The following CCDC192 variants were observed in gnomAD, a reference collection of about 807,000 sequenced individuals.
CCDC192 encodes coiled-coil domain-containing protein 192.
intron 5 of CCDC192, among the ~76,000 whole-genome samples, chr5:127,800,070 A>G (rs1757396495): frequency 6.6e-6 from 1 of 151,954 alleles, no homozygotes; most frequent in Non-Finnish European, 1.5e-5. Flanking sequence ...ACACTCTGAA[A>G]CCCATGATTT....
At chr5:127,921,434 C>A (rs547885018) in intron 6 of CCDC192, among the ~76,000 whole-genome samples, 1 of 152,280 alleles carries the variant, frequency 6.6e-6, no homozygotes, top group East Asian at 1.9e-4. Context: ...TTAGCACTTA[C>A]CATGTACCCA....
At chr5:127,728,232 C>A (rs2126811078) in intron 2 of CCDC192, among the ~76,000 whole-genome samples, 1 of 152,214 alleles carries the variant, frequency 6.6e-6, no homozygotes, top group Admixed American at 6.5e-5. Context: ...AACCCCAAGA[C>A]ACATAATCAT....
intron 6 of CCDC192, among the ~76,000 whole-genome samples, chr5:127,937,321 C>G (rs1348533900): frequency 6.6e-6 from 1 of 152,008 alleles, no homozygotes; most frequent in Non-Finnish European, 1.5e-5. Context: ...AATTATGTCT[C>G]CATCAAAATT....
At chr5:127,805,907 C>G (rs1757756160) in intron 5 of CCDC192, among the ~76,000 whole-genome samples, 1 of 152,096 alleles carries the variant, frequency 6.6e-6, no homozygotes, top group South Asian at 2.1e-4. Context: ...AGAAGAATAG[C>G]AGAAGCTTTC....
At chr5:127,799,483 G>C (rs1757364060) in intron 5 of CCDC192, among the ~76,000 whole-genome samples, 1 of 152,152 alleles carries the variant, frequency 6.6e-6, no homozygotes, top group Admixed American at 6.5e-5. Flanking sequence ...GTCTCCCCCT[G>C]AGGGTGCCAG....
chr5:127,828,561 C>G (rs1329784945), intron 5 of CCDC192, among the ~76,000 whole-genome samples: 2 of 152,192 alleles, frequency 1.3e-5, no homozygotes, highest in African/African-American at 4.8e-5. Flanking sequence ...TCTTCTGGTA[C>G]TTTCAGACCA....
chr5:127,786,206 C>T (rs1304769270), intron 3 of CCDC192: 16 of 793,664 alleles, frequency 2.0e-5, no homozygotes, highest in Non-Finnish European at 3.2e-5. Context: ...TCTTGTGTGC[C>T]TTCATGAAGG....
intron 5 of CCDC192, among the ~76,000 whole-genome samples, chr5:127,873,004 A>G (rs1441584663): frequency 6.6e-6 from 1 of 152,214 alleles, no homozygotes; most frequent in Non-Finnish European, 1.5e-5. Flanking sequence ...GTACCTAGAA[A>G]GGTGAAATTC....
chr5:127,896,560 A>G (rs1212206341), intron 6 of CCDC192, among the ~76,000 whole-genome samples: 3 of 151,812 alleles, frequency 2.0e-5, no homozygotes, highest in Non-Finnish European at 4.4e-5. Flanking sequence ...CAGTCTCCTG[A>G]GCAGCTGGGG....
intron 2 of CCDC192, among the ~76,000 whole-genome samples, chr5:127,747,951 GTTGT>G (rs750839664): frequency 0.013 from 2,012 of 150,532 alleles, 3 homozygotes; most frequent in African/African-American, 0.03. Context: ...TTTTGATGGA[GTTGT>G]TTGTTTTTTT....
chr5:127,856,471 A>G (rs1279087055), intron 5 of CCDC192, among the ~76,000 whole-genome samples: 1 of 152,234 alleles, frequency 6.6e-6, no homozygotes, highest in East Asian at 1.9e-4. Flanking sequence ...TTTTTTATTC[A>G]TGTGTTCACT....
intron 3 of CCDC192, among the ~76,000 whole-genome samples, chr5:127,783,480 G>C (rs1409742522): frequency 6.6e-6 from 1 of 152,200 alleles, no homozygotes; most frequent in Non-Finnish European, 1.5e-5. Flanking sequence ...TGTGGTCTGA[G>C]AGAGTGCTTA....
intron 5 of CCDC192, among the ~76,000 whole-genome samples, chr5:127,842,624 T>C (rs570207399): frequency 6.6e-6 from 1 of 152,242 alleles, no homozygotes; most frequent in African/African-American, 2.4e-5. Flanking sequence ...TATACATGTG[T>C]AATTTTCTAC....
At chr5:127,914,931 G>A (rs181500349) in intron 6 of CCDC192, among the ~76,000 whole-genome samples, 233 of 152,196 alleles carry the variant, frequency 1.5e-3, no homozygotes, top group Middle Eastern at 6.8e-3. Context: ...TTCCTTCCCT[G>A]ACTATTAATA....
At chr5:127,868,553 C>T (rs1165332170) in intron 5 of CCDC192, among the ~76,000 whole-genome samples, 4 of 152,162 alleles carry the variant, frequency 2.6e-5, no homozygotes, top group African/African-American at 7.2e-5. Context: ...AGAGGTTAGA[C>T]ACTGCTTTCC....
chr5:127,874,783 G>C (rs911551859), intron 5 of CCDC192, among the ~76,000 whole-genome samples: 9 of 152,170 alleles, frequency 5.9e-5, no homozygotes, highest in Non-Finnish European at 1.3e-4. Flanking sequence ...ACAACAGACA[G>C]CTTCTCCAAA....
intron 5 of CCDC192, among the ~76,000 whole-genome samples, chr5:127,800,340 G>GA (rs995667326): frequency 1.8e-4 from 12 of 65,438 alleles, no homozygotes; most frequent in African/African-American, 2.4e-4. Flanking sequence ...CATTGTCCCT[G>GA]AAAAAAACAT....
At chr5:127,815,260 C>T (rs1193653443) in intron 5 of CCDC192, among the ~76,000 whole-genome samples, 1 of 152,190 alleles carries the variant, frequency 6.6e-6, no homozygotes, top group Non-Finnish European at 1.5e-5. Flanking sequence ...GTGCCATTTT[C>T]TGTTGACTCC....
chr5:127,926,583 T>G (rs1250463999), intron 6 of CCDC192, among the ~76,000 whole-genome samples: 5 of 152,078 alleles, frequency 3.3e-5, no homozygotes, highest in African/African-American at 1.2e-4. Context: ...TCAACAGAAC[T>G]TTGTGAAAAG....
Sources: allele counts gnomAD v4.1 joint callset (sites outside exome capture counted in the v4.1 genomes callset), GRCh38; gene constraint gnomAD v4.1.1; transcripts MANE v1.5; gene names NCBI Gene and HGNC (gene_info 2026-07-23, HGNC 2026-07-21).